The following ZMYND11 variants were observed in gnomAD, a reference collection of about 807,000 sequenced individuals.
ZMYND11 encodes zinc finger MYND-type containing 11, also known as zinc finger MYND domain-containing protein 11.
ZMYND11 carries 9 observed loss-of-function variants against 84.9 expected under a neutral mutation model. The ratio of observed to expected loss-of-function variants is 0.11; its 90% CI spans 0.06 to 0.18. ZMYND11 has a LOEUF of 0.18. Ranked by LOEUF, ZMYND11 falls within the 10% of genes least tolerant of loss-of-function variation. The probability of loss-of-function intolerance (pLI) is 1.00; values close to 1 mark genes in which losing one functional copy is unlikely to be tolerated. For missense variants in ZMYND11, 409 were observed against 761.0 expected, an observed-to-expected ratio of 0.54 and a Z score of 5.44; for synonymous variants, 250 against 244.1, an observed-to-expected ratio of 1.02 and a Z score of -0.23.
intron 1 of ZMYND11, among the ~76,000 whole-genome samples, chr10:162,342 T>C (rs1266213454): frequency 6.6e-6 from 1 of 152,168 alleles, no homozygotes; most frequent in Non-Finnish European, 1.5e-5. Flanking sequence ...TCTGAAATAT[T>C]GTGATACTTA....
intron 1 of ZMYND11, among the ~76,000 whole-genome samples, chr10:147,524 T>A (rs1312198864): frequency 6.8e-6 from 1 of 146,006 alleles, no homozygotes; most frequent in Non-Finnish European, 1.5e-5. Context: ...CCTTTTTAAA[T>A]TTTTTTTTTT....
chr10:133,630 C>T (rs1191245904), upstream of ZMYND11, among the ~76,000 whole-genome samples: 1 of 152,124 alleles, frequency 6.6e-6, no homozygotes, highest in Non-Finnish European at 1.5e-5. Context: ...ATACACAGAA[C>T]CATGCAGTCC....
At position 221,735 on chromosome 10, in the gene ZMYND11, A is replaced by G. The variant is rs567795474; in HGVS notation, c.438+379A>G. ...TCAGGAAACAGTTAGCAAAAGGCAC[A>G]TTGTTGGGGGCATTCTGTATCTATT... On this transcript the variant is annotated intron_variant, in intron 4 of 14. Coordinates refer to ENST00000381604, the MANE Select transcript of ZMYND11 (RefSeq NM_001370100.5). Among the ~76,000 whole-genome samples the G allele has an allele frequency of 3.3e-5, 5 of 152,190 alleles. No homozygotes were observed. In the South Asian group the frequency reaches 6.2e-4, roughly 19 times the overall value.
At chr10:191,286 T>A (rs1291931001) in intron 2 of ZMYND11, among the ~76,000 whole-genome samples, 1 of 152,232 alleles carries the variant, frequency 6.6e-6, no homozygotes, top group Non-Finnish European at 1.5e-5. Flanking sequence ...CCATCTGATA[T>A]TGGAGTCCAA....
rs539415441 is a variant in ZMYND11, at chr10:187,566, G to A, written c.116+7438G>A. ...GGAGAATGGGGTGAACCCGGGAGGC[G>A]GAGCTTGCAGTGAGCCGAGATTGCG... On this transcript the variant is annotated intron_variant, in intron 2 of 14. Coordinates refer to ENST00000381604, the MANE Select transcript of ZMYND11 (RefSeq NM_001370100.5). Among the ~76,000 whole-genome samples, 18 of 152,040 alleles carry A rather than the reference G, an allele frequency of 1.2e-4. No homozygotes were observed. The South Asian group carries it at 2.7e-3, about 23-fold the overall frequency.
At chr10:222,219 A>C (rs1947255484) in intron 4 of ZMYND11, among the ~76,000 whole-genome samples, 1 of 152,096 alleles carries the variant, frequency 6.6e-6, no homozygotes, top group African/African-American at 2.4e-5. Context: ...TTCAAAAAAC[A>C]TTTTTTCATA....
intron 1 of ZMYND11, among the ~76,000 whole-genome samples, chr10:172,021 C>T (rs1554765821): frequency 6.6e-6 from 1 of 152,206 alleles, no homozygotes; most frequent in Admixed American, 6.5e-5. Context: ...AAGGGTTACT[C>T]TGCTTCCAAG....
intron 1 of ZMYND11, among the ~76,000 whole-genome samples, chr10:174,582 A>G (rs1846126344): frequency 1.3e-5 from 2 of 151,918 alleles, no homozygotes; most frequent in Non-Finnish European, 2.9e-5. Context: ...CATGCTTGTC[A>G]TTCATACATT....
At chr10:136,918 A>G (rs1489323515) in intron 1 of ZMYND11, among the ~76,000 whole-genome samples, 3 of 152,252 alleles carry the variant, frequency 2.0e-5, no homozygotes, top group Admixed American at 6.5e-5. Context: ...ATTCAATGTC[A>G]TATACGTTAG....
rs1344473907 is a variant in ZMYND11 at position 254,013 on chromosome 10, T to C, written c.*1543T>C. ...ACAATATTTTGTAAAAAGTACCCAG[T>C]AGCCCCATTTCATACAATGTACCTA... On this transcript the variant is annotated 3_prime_UTR_variant, in exon 15 of 15. Transcript: ENST00000381604. 2.6e-5 allele frequency: 4 copies of C among 152,430 alleles called. No individual in the cohort carries two copies. Among genetic ancestry groups the C allele is most frequent in the Non-Finnish European group, 5.9e-5 (4 of 68,040 alleles). 9.4% of individuals were successfully genotyped at this position (152,430 alleles called of 1,614,324 possible).
chr10:131,032 G>A (rs1835302239), upstream of ZMYND11, among the ~76,000 whole-genome samples: 1 of 152,074 alleles, frequency 6.6e-6, no homozygotes. Flanking sequence ...TGGGAGGATC[G>A]CTTGAGCCCA....
At chr10:238,284 T>G (rs1199280758) in intron 6 of ZMYND11, among the ~76,000 whole-genome samples, 2 of 152,212 alleles carry the variant, frequency 1.3e-5, no homozygotes, top group Non-Finnish European at 2.9e-5. Flanking sequence ...TGTTGGAAAT[T>G]TAAAATCTTA....
intron 1 of ZMYND11, among the ~76,000 whole-genome samples, chr10:164,076 C>T (rs1554762948): frequency 6.6e-6 from 1 of 152,120 alleles, no homozygotes; most frequent in African/African-American, 2.4e-5. Flanking sequence ...CCCCTCACAC[C>T]CTACTCCAGC....
intron 1 of ZMYND11, among the ~76,000 whole-genome samples, chr10:151,012 C>T (rs1156974541): frequency 1.4e-4 from 21 of 152,198 alleles, no homozygotes; most frequent in South Asian, 1.0e-3. Context: ...GGGTCCTGAC[C>T]GTTAGAAGGA....
chr10:163,374 T>C (rs1843328334), intron 1 of ZMYND11, among the ~76,000 whole-genome samples: 1 of 152,158 alleles, frequency 6.6e-6, no homozygotes. Context: ...GGAACTCTTC[T>C]TGAATAATTT....
intron 1 of ZMYND11, among the ~76,000 whole-genome samples, chr10:156,883 A>G (rs990554003): frequency 1.3e-5 from 2 of 152,224 alleles, no homozygotes; most frequent in South Asian, 2.1e-4. Flanking sequence ...CCTATTTTCA[A>G]TGATCTAGGC....
At chr10:233,079 T>TG (rs1288910308) in intron 4 of ZMYND11, among the ~76,000 whole-genome samples, 5 of 152,212 alleles carry the variant, frequency 3.3e-5, no homozygotes, top group Non-Finnish European at 7.3e-5. Flanking sequence ...TCTTAGGAAG[T>TG]TGGTGCAGTG....
At chr10:237,072 A>G (rs1167566008) in intron 5 of ZMYND11, among the ~76,000 whole-genome samples, 157 bp downstream of exon 5, 1 of 152,220 alleles carries the variant, frequency 6.6e-6, no homozygotes, top group Admixed American at 6.5e-5. Context: ...TTTGCAGTAA[A>G]CAGTTCTATA....
At chr10:251,852 C>A (rs1402481826) in intron 14 of ZMYND11, among the ~76,000 whole-genome samples, 1 of 152,066 alleles carries the variant, frequency 6.6e-6, no homozygotes, top group African/African-American at 2.4e-5. Flanking sequence ...CCAGACATTG[C>A]CAAATAAGAT....
Sources: allele counts gnomAD v4.1 joint callset (sites outside exome capture counted in the v4.1 genomes callset), GRCh38; gene constraint gnomAD v4.1.1; transcripts MANE v1.5; gene names NCBI Gene and HGNC (gene_info 2026-07-23, HGNC 2026-07-21).